RYR3: variants seen among roughly 807,000 people sequenced by gnomAD.
RYR3 encodes ryanodine receptor 3.
In RYR3, 207 loss-of-function variants were observed where a neutral mutation model predicts 584.3. That is an observed-to-expected ratio of 0.35 (90% CI 0.32 to 0.40). The LOEUF (loss-of-function observed/expected upper bound fraction) is 0.40. Ranked by LOEUF, RYR3 falls within the 10% of genes least tolerant of loss-of-function variation. The pLI is 1.00. For missense variants in RYR3, 5,616 were observed against 6,089.2 expected, an observed-to-expected ratio of 0.92 and a Z score of 2.59; for synonymous variants, 2,416 against 2,248.5, an observed-to-expected ratio of 1.07 and a Z score of -2.11.
At chr15:33,427,072 A>G (rs1372660358) in intron 1 of RYR3, among the ~76,000 whole-genome samples, 2 of 152,160 alleles carry the variant, frequency 1.3e-5, no homozygotes, top group African/African-American at 4.8e-5. Context: ...GAGAGATGCA[A>G]ACGTTTAGTT....
Position 33,722,841 on chromosome 15 carries a change from A to G in RYR3, c.6746A>G (p.Lys2249Arg). The change falls in exon 44 of 104, where the codon AAG becomes AGG. Residue 2249 changes from lysine (K) to arginine (R), a missense_variant. By Grantham distance (26) the Lys-to-Arg change is conservative (BLOSUM62 2). This residue lies in a region of RYR3 where 1,280 missense variants were observed against 1,426.2 expected (regional missense o/e 0.90). Coordinates refer to ENST00000634891, the MANE Select transcript of RYR3 (RefSeq NM_001036.6). ...TTGGCAGCCATGCAGGGTGCCATTA[A>G]GATCTCTGAGAACCCAGCGCTCGAC... ...GLLAAMQGAI[K>R]ISENPALDLP... 1 of 1,609,760 alleles carries G rather than the reference A, an allele frequency of 6.2e-7. No homozygotes were observed. Among genetic ancestry groups the G allele is most frequent in the Non-Finnish European group, 8.5e-7 (1 of 1,178,240 alleles).
chr15:33,645,337 A>G (rs1163747671), intron 28 of RYR3, among the ~76,000 whole-genome samples: 3 of 152,174 alleles, frequency 2.0e-5, no homozygotes, highest in African/African-American at 7.2e-5. Flanking sequence ...GTTGATTTAA[A>G]AAAAATGCCA....
At chr15:33,543,593 A>T (rs764506658) in intron 7 of RYR3, 29 bp from the exon 8 acceptor site, 1 of 1,378,890 alleles carries the variant, frequency 7.3e-7, no homozygotes, top group Non-Finnish European at 1.0e-6. Context: ...ACTTCCCATC[A>T]TTCACAGTAG....
intron 38 of RYR3, among the ~76,000 whole-genome samples, chr15:33,683,948 G>A (rs772863290): frequency 1.3e-5 from 2 of 152,244 alleles, no homozygotes; most frequent in Non-Finnish European, 2.9e-5. Flanking sequence ...GTCTGCCATT[G>A]CTGAGGCTTG....
At chr15:33,633,652 G>C (rs2061368251) in intron 24 of RYR3, among the ~76,000 whole-genome samples, 1 of 152,230 alleles carries the variant, frequency 6.6e-6, no homozygotes, top group Non-Finnish European at 1.5e-5. Context: ...TGGAAGCCAG[G>C]AAGAACACAA....
chr15:33,790,273 G>A (rs1353943026), intron 67 of RYR3, among the ~76,000 whole-genome samples: 4 of 150,942 alleles, frequency 2.7e-5, no homozygotes, highest in East Asian at 2.0e-4. Context: ...GATTACAGGC[G>A]TGAGCCACCT....
chr15:33,683,726 C>T (rs1218034874), intron 38 of RYR3, among the ~76,000 whole-genome samples: 1 of 152,250 alleles, frequency 6.6e-6, no homozygotes. Context: ...TTTCCCTTTC[C>T]TAGCCACGGG....
At chr15:33,449,173 G>T (rs1422908536) in intron 1 of RYR3, among the ~76,000 whole-genome samples, 1 of 152,158 alleles carries the variant, frequency 6.6e-6, no homozygotes, top group African/African-American at 2.4e-5. Flanking sequence ...TCTCCCACAG[G>T]GCTGAATCAA....
chr15:33,697,891 G>A lies in RYR3; in HGVS notation c.6144G>A (p.Met2048Ile). The change falls in exon 40 of 104, where the codon ATG (methionine) becomes ATA (isoleucine). Residue 2048 changes from methionine (M) to isoleucine (I), a missense_variant. Transcript: ENST00000634891. ...LLMINGLGDI[M>I]NNKVFYQHPN... The stretch of plus-strand genomic sequence containing the variant: ...CTGATCCTTATCCTAGAGACATAAT[G>A]AACAACAAGGTGTTTTACCAGCATC... 6.2e-7 allele frequency: 1 copy of A among 1,606,910 alleles called. No individual in the cohort carries two copies.
At chr15:33,445,804 C>T (rs992382890) in intron 1 of RYR3, among the ~76,000 whole-genome samples, 1 of 151,364 alleles carries the variant, frequency 6.6e-6, no homozygotes. Flanking sequence ...CAAGTTAGTT[C>T]ATCCTTATTA....
At chr15:33,389,494 T>C (rs1043294068) in intron 1 of RYR3, among the ~76,000 whole-genome samples, 1 of 152,208 alleles carries the variant, frequency 6.6e-6, no homozygotes, top group Admixed American at 6.5e-5. Context: ...TTTAAAATAA[T>C]TTCTTGACTA....
rs1036746889 is a variant in RYR3, at chr15:33,624,172, C to T, written c.2574+149C>T. Reference sequence around the variant, plus strand: ...ACAACTGTTACTCCTCACATTTTCACCATGTGTGTCAATTGGGTCTTTAAG... The same window carrying T: ...ACAACTGTTACTCCTCACATTTTCATCATGTGTGTCAATTGGGTCTTTAAG... On this transcript the variant is annotated intron_variant, in intron 20 of 103. Transcript: ENST00000634891. 4 of 638,564 alleles carry T rather than the reference C, an allele frequency of 6.3e-6. No homozygotes were observed. The African/African-American group carries it at 7.3e-5, about 12-fold the overall frequency. The allele number at this position is 638,564 out of a possible 1,614,324, so 39.6% of individuals were successfully genotyped here. A position where few individuals can be genotyped will look rare whatever the true frequency, so the allele number is the denominator to read the frequency against.
rs187192522 is a variant in RYR3 at position 33,453,613 on chromosome 15, T to G, written c.52-19806T>G. On this transcript the variant is annotated intron_variant, in intron 1 of 103. Transcript: ENST00000634891. ...AAGAATGTATATCTGTATACAAATG[T>G]TAACTGTCCATTGTACCACAAATCC... Among the ~76,000 whole-genome samples the G allele has an allele frequency of 9.8e-5, 15 of 152,380 alleles. No individual in the cohort carries two copies. In the East Asian group the frequency reaches 2.7e-3, roughly 27 times the overall value.
intron 12 of RYR3, among the ~76,000 whole-genome samples, chr15:33,568,475 GT>G (rs564366948): frequency 2.7e-5 from 4 of 148,300 alleles, no homozygotes; most frequent in African/African-American, 4.9e-5. Context: ...TTTATTTTTT[GT>G]TTTTTTTTTG....
At chr15:33,447,892 C>T (rs1462096385) in intron 1 of RYR3, among the ~76,000 whole-genome samples, 1 of 152,172 alleles carries the variant, frequency 6.6e-6, no homozygotes, top group Non-Finnish European at 1.5e-5. Context: ...ATGGGTTAAA[C>T]TCAAATCTCT....
intron 102 of RYR3, among the ~76,000 whole-genome samples, chr15:33,863,470 C>T (rs1889265282): frequency 6.6e-6 from 1 of 152,174 alleles, no homozygotes; most frequent in Admixed American, 6.5e-5. Flanking sequence ...ACCAACTTCA[C>T]AATCCTTTTC....
chr15:33,674,540 TA>T (rs1157529779), intron 38 of RYR3, among the ~76,000 whole-genome samples: 1 of 152,220 alleles, frequency 6.6e-6, no homozygotes, highest in Non-Finnish European at 1.5e-5. Flanking sequence ...CACTCAGCTC[TA>T]TGGCACAAAT....
At chr15:33,829,282 A>C (rs2077539459) in intron 85 of RYR3, among the ~76,000 whole-genome samples, 1 of 152,200 alleles carries the variant, frequency 6.6e-6, no homozygotes, top group Non-Finnish European at 1.5e-5. Context: ...CTGCTAATAC[A>C]AGATTTATTC....
intron 80 of RYR3, among the ~76,000 whole-genome samples, 192 bp downstream of exon 80, chr15:33,821,794 G>A (rs2077121477): frequency 1.3e-5 from 2 of 152,138 alleles, no homozygotes; most frequent in Admixed American, 6.5e-5. Flanking sequence ...GCAGGCAAAT[G>A]TGTCTTTAAT....
Sources: gnomAD v4.1 joint callset for allele counts (sites outside exome capture counted in the v4.1 genomes callset) on GRCh38, gnomAD v4.1.1 for gene constraint, gnomAD v4.1.1 regional missense constraint, MANE v1.5 for transcripts, NCBI Gene and HGNC (gene_info 2026-07-23, HGNC 2026-07-21) for gene names.